HAO1: variants seen among roughly 807,000 people sequenced by gnomAD.
HAO1 encodes hydroxyacid oxidase 1.
In HAO1, 34 loss-of-function variants were observed where a neutral mutation model predicts 39.7. The observed-to-expected ratio is 0.86, with a 90% confidence interval of 0.65 to 1.14. The LOEUF (loss-of-function observed/expected upper bound fraction) is 1.14. HAO1 is among the 50% of genes most tolerant of loss of function. The pLI is 0.00. For missense variants in HAO1, 479 were observed against 464.5 expected (o/e 1.03, Z -0.29); for synonymous variants, 172 against 173.2 (o/e 0.99, Z 0.05).
chr20:7,894,209 G>A (rs192396574), intron 5 of HAO1, among the ~76,000 whole-genome samples: 29 of 152,110 alleles, frequency 1.9e-4, no homozygotes, highest in South Asian at 4.2e-4. Context: ...CCATGGCTTC[G>A]GATCCATTTC....
chr20:7,891,049 C>T (rs148299585), intron 5 of HAO1, among the ~76,000 whole-genome samples: 3 of 152,264 alleles, frequency 2.0e-5, no homozygotes, highest in African/African-American at 7.2e-5. Context: ...TTATTTTCCT[C>T]TGGGTAGATA....
intron 2 of HAO1, among the ~76,000 whole-genome samples, chr20:7,915,520 G>C (rs2050302755): frequency 6.6e-6 from 1 of 152,146 alleles, no homozygotes. Flanking sequence ...ATTTGAACTT[G>C]CAAGCTTCCA....
chr20:7,905,959 T>TA (rs2050245627), intron 4 of HAO1, among the ~76,000 whole-genome samples, 195 bp downstream of exon 4: 1 of 152,228 alleles, frequency 6.6e-6, no homozygotes, highest in Non-Finnish European at 1.5e-5. Flanking sequence ...CATGAGAGTT[T>TA]AGCTCTGCTT....
chr20:7,926,058 T>C (rs1393261445), intron 2 of HAO1, among the ~76,000 whole-genome samples: 1 of 150,976 alleles, frequency 6.6e-6, no homozygotes, highest in African/African-American at 2.4e-5. Flanking sequence ...GATGTGTGTT[T>C]GTGTGTGTGT....
chr20:7,894,876 C>T (rs772423727), intron 5 of HAO1, among the ~76,000 whole-genome samples: 6 of 152,088 alleles, frequency 3.9e-5, no homozygotes, highest in Non-Finnish European at 7.4e-5. Context: ...TAATCCTTGC[C>T]CACAAATGAC....
At chr20:7,939,848 G>A (rs1249527576) in intron 1 of HAO1, among the ~76,000 whole-genome samples, 1 of 152,118 alleles carries the variant, frequency 6.6e-6, no homozygotes, top group Non-Finnish European at 1.5e-5. Context: ...CAAAATGAAT[G>A]ATAACACGAA....
At chr20:7,937,438 T>C (rs73895445) in intron 1 of HAO1, among the ~76,000 whole-genome samples, 4,359 of 152,166 alleles carry the variant, frequency 0.029, 181 homozygotes, top group African/African-American at 0.097. Flanking sequence ...TTGTGACATT[T>C]ATGCCTATGA....
chr20:7,913,169 TG>T (rs1337410077), intron 3 of HAO1, among the ~76,000 whole-genome samples: 9 of 127,572 alleles, frequency 7.1e-5, no homozygotes, highest in Admixed American at 4.0e-4. Context: ...CCTAGTTTTT[TG>T]TTTTTTTTTT....
intron 1 of HAO1, among the ~76,000 whole-genome samples, chr20:7,937,606 G>A (rs1257455579): frequency 6.6e-6 from 1 of 151,976 alleles, no homozygotes; most frequent in Non-Finnish European, 1.5e-5. Flanking sequence ...AAATCATGAG[G>A]GCTTCTAAGT....
rs1043146764 is a variant in HAO1 at position 7,895,349 on chromosome 20, A to G, written c.722-125T>C. On this transcript the variant is annotated intron_variant, in intron 4 of 7. Coordinates refer to ENST00000378789, the MANE Select transcript of HAO1 (RefSeq NM_017545.3). ...TCTGCATACCTGGGTCAATAATCTT[A>G]GCATAAAAGTATACCCTAGGGTTAG... The G allele has an allele frequency of 1.8e-5, 12 of 653,360 alleles. No individual in the cohort carries two copies. In the African/African-American group the frequency reaches 2.0e-4, roughly 11 times the overall value. The allele number at this position is 653,360 out of a possible 1,614,324, so 40.5% of individuals were successfully genotyped here. A position where few individuals can be genotyped will look rare whatever the true frequency, so the allele number is the denominator to read the frequency against.
chr20:7,892,506 A>G (rs996296982), intron 5 of HAO1, among the ~76,000 whole-genome samples: 20 of 152,184 alleles, frequency 1.3e-4, no homozygotes, highest in African/African-American at 4.6e-4. Flanking sequence ...CAGCCACACA[A>G]TTGGTCTATG....
At chr20:7,909,360 C>CATATATATATATATATATGTATAT in intron 3 of HAO1, among the ~76,000 whole-genome samples, 1 of 109,076 alleles carries the variant, frequency 9.2e-6, no homozygotes, top group Admixed American at 9.1e-5. Context: ...CGGATTATGA[C>CATATATATATATATATATGTATAT]ATATATATAT....
Position 7,883,651 on chromosome 20 carries a change from A to G in HAO1, c.1055T>C (p.Val352Ala). The change falls in exon 8 of 8, where the codon GTG becomes GCG. Residue 352 changes from valine to alanine, a missense_variant. Val to Ala is a moderately conservative substitution (Grantham distance 64). Coordinates refer to ENST00000378789, the MANE Select transcript of HAO1 (RefSeq NM_017545.3). ...CACCAATGTCTTGTCGATGACTTTC[A>G]CATTCTGGCACCCTGAAAAAATAAT... The part of the protein sequence containing the change: ...LAMALSGCQN[V>A]KVIDKTLVRK... 3.1e-6 allele frequency: 5 copies of G among 1,611,056 alleles called. No homozygotes were observed. Among genetic ancestry groups the G allele is most frequent in the Non-Finnish European group, 4.2e-6 (5 of 1,177,256 alleles).
chr20:7,913,959 C>G (rs775882446), intron 3 of HAO1, among the ~76,000 whole-genome samples: 1 of 152,174 alleles, frequency 6.6e-6, no homozygotes, highest in African/African-American at 2.4e-5. Flanking sequence ...TTAATGCACT[C>G]TGGTCTGAAA....
chr20:7,928,807 A>T lies in HAO1; in HGVS notation c.289+5677T>A, dbSNP rs184760477. On this transcript the variant is annotated intron_variant, in intron 2 of 7. Transcript: ENST00000378789. ...CTAGGGGACACTTGTAGCCCACAAA[A>T]GTATTTACTTTGGCCCACACATTGT... 9.2e-5 allele frequency among the ~76,000 whole-genome samples: 14 copies of T among 152,346 alleles called. No individual in the cohort carries two copies. The East Asian group carries it at 2.5e-3, about 27-fold the overall frequency.
intron 1 of HAO1, among the ~76,000 whole-genome samples, chr20:7,938,215 ATTC>A (rs576534164): frequency 6.6e-6 from 1 of 152,150 alleles, no homozygotes; most frequent in South Asian, 2.1e-4. Flanking sequence ...CAGAATTTCT[ATTC>A]TTAGTTTCAC....
intron 2 of HAO1, among the ~76,000 whole-genome samples, chr20:7,931,345 G>A (rs1382965632): frequency 6.6e-6 from 1 of 151,972 alleles, no homozygotes; most frequent in Non-Finnish European, 1.5e-5. Context: ...GATCATAATG[G>A]GCTTCTCCTC....
intron 4 of HAO1, among the ~76,000 whole-genome samples, chr20:7,900,862 C>T (rs1047785662): frequency 2.0e-5 from 3 of 152,100 alleles, no homozygotes; most frequent in African/African-American, 7.2e-5. Flanking sequence ...GCTCCTTGTG[C>T]CAAACAGCTA....
At position 7,895,208 on chromosome 20, in the gene HAO1, C is replaced by G. The variant is rs1276932129; in HGVS notation, c.738G>C (p.Glu246Asp). The change falls in exon 5 of 8, where the codon GAG becomes GAC. Residue 246 changes from glutamate to aspartate, a missense_variant. Glu to Asp is a conservative substitution (Grantham distance 45). Transcript: ENST00000378789. ...TCCCATTCAAGCCATGTTTAACAGC[C>G]TCCCTGGCATCATCACCTGGAGAGA... ...KGILRGDDAR[E>D]AVKHGLNGIL... 2 of 1,609,968 alleles carry G rather than the reference C, an allele frequency of 1.2e-6. No individual in the cohort carries two copies. Among genetic ancestry groups the G allele is most frequent in the Non-Finnish European group, 8.5e-7 (1 of 1,176,290 alleles).
Sources: gnomAD v4.1 joint callset for allele counts (sites outside exome capture counted in the v4.1 genomes callset) on GRCh38, gnomAD v4.1.1 for gene constraint, MANE v1.5 for transcripts, NCBI Gene and HGNC (gene_info 2026-07-23, HGNC 2026-07-21) for gene names.